SERPINE3: variants seen among roughly 807,000 people sequenced by gnomAD.
SERPINE3 encodes serpin family E member 3, also known as serpin E3.
In SERPINE3, 43 loss-of-function variants were observed where a neutral mutation model predicts 41.7. The ratio of observed to expected loss-of-function variants is 1.03; its 90% CI spans 0.81 to 1.33. The LOEUF (loss-of-function observed/expected upper bound fraction) is 1.33, where lower values mean the gene tolerates loss of function less well. Ranked by LOEUF, SERPINE3 falls within the 40% of genes most tolerant of loss-of-function variation. SERPINE3 has a pLI of 0.00. For synonymous variants in SERPINE3, 200 were observed against 192.2 expected (o/e 1.04, Z -0.34); for missense variants, 440 against 491.7 (o/e 0.89, Z 0.99).
At chr13:51,351,301 G>T (rs908743100) in intron 6 of SERPINE3, among the ~76,000 whole-genome samples, 1 of 152,066 alleles carries the variant, frequency 6.6e-6, no homozygotes. Flanking sequence ...CCACATCCTT[G>T]TCAACACTTG....
Position 51,345,593 on chromosome 13 carries a change from A to AC in SERPINE3, c.490+1108_490+1109insC, listed in dbSNP as rs1491189543. On this transcript the variant is annotated intron_variant, in intron 4 of 9. Transcript: ENST00000681248. ...TTGGGCAACAGTGAGATTTCATCTCAAAAAAAAAAAAAAAAAAAAAAAAGC... is the reference window on the plus strand; with the variant it reads ...TTGGGCAACAGTGAGATTTCATCTCACAAAAAAAAAAAAAAAAAAAAAAAGC... Among the ~76,000 whole-genome samples, 5 of 95,882 alleles carry AC rather than the reference A, an allele frequency of 5.2e-5. No individual in the cohort carries two copies. The East Asian group carries it at 1.7e-3, about 32-fold the overall frequency. 62.9% of individuals were successfully genotyped at this position (95,882 alleles called of 152,430 possible).
chr13:51,351,661 T>C (rs1301684691), intron 6 of SERPINE3, among the ~76,000 whole-genome samples: 1 of 152,164 alleles, frequency 6.6e-6, no homozygotes, highest in Non-Finnish European at 1.5e-5. Flanking sequence ...CTATGTTTTC[T>C]TTTGTTTCTT....
chr13:51,347,955 G>A lies in SERPINE3; in HGVS notation c.701-258G>A, dbSNP rs761155284. 5.1e-5 allele frequency among the ~76,000 whole-genome samples: 7 copies of A among 137,066 alleles called. No homozygotes were observed. In the East Asian group the frequency reaches 1.1e-3, roughly 21 times the overall value. The allele number at this position is 137,066 out of a possible 152,430, so 89.9% of individuals were successfully genotyped here. The stretch of plus-strand genomic sequence containing the variant: ...TCTATGTGGTTCTGCATGTGCCATC[G>A]TCCCCCCCCCCATACCCAGTCCTAG... On this transcript the variant is annotated intron_variant, in intron 5 of 9. Transcript: ENST00000681248.
chr13:51,345,645 G>A lies in SERPINE3; in HGVS notation c.490+1160G>A, dbSNP rs1955339430. On this transcript the variant is annotated intron_variant, in intron 4 of 9. Coordinates refer to ENST00000681248, the MANE Select transcript of SERPINE3 (RefSeq NM_001386375.1). ...GAATAGGAAGTGATATGTATACTAC[G>A]ACTGAATGGAAAACAGTAAGTGTGT... Among the ~76,000 whole-genome samples, 3 of 147,878 alleles carry A rather than the reference G, an allele frequency of 2.0e-5. No homozygotes were observed. The South Asian group carries it at 6.6e-4, about 32-fold the overall frequency.
chr13:51,349,935 T>A (rs1408312607), intron 6 of SERPINE3, among the ~76,000 whole-genome samples: 1 of 152,218 alleles, frequency 6.6e-6, no homozygotes, highest in East Asian at 1.9e-4. Flanking sequence ...TGTTTGTTTT[T>A]AAGCTAGCTT....
chr13:51,348,102 G>T, intron 5 of SERPINE3, 111 bp from the exon 6 acceptor site: 2 of 773,056 alleles, frequency 2.6e-6, no homozygotes, highest in Middle Eastern at 3.3e-4. Flanking sequence ...TGAGGTGGAT[G>T]CTCGGTTTTA....
At position 51,347,046 on chromosome 13, in the gene SERPINE3, C is replaced by T. The variant is rs1276630502; in HGVS notation, c.512C>T (p.Pro171Leu). 1 of 1,588,332 alleles carries T rather than the reference C, an allele frequency of 6.3e-7. No individual in the cohort carries two copies. The change falls in exon 5 of 10, where the codon CCT becomes CTT. Residue 171 changes from proline (P) to leucine (L), a missense_variant. Physicochemically the swap from Pro to Leu is moderately conservative, Grantham distance 98. Coordinates refer to ENST00000681248, the MANE Select transcript of SERPINE3 (RefSeq NM_001386375.1). ...GCAGGTGGGGGCCCCAGTGAGGGCC[C>T]TGGTGGCTGGCCGTGGGAGCAAGTC... ...ETAGGGPSEG[P>L]GGWPWEQVSA... is the part of the protein sequence containing the mutation.
intron 3 of SERPINE3, 125 bp downstream of exon 3, chr13:51,341,472 C>T: frequency 1.0e-6 from 1 of 955,524 alleles, no homozygotes; most frequent in South Asian, 1.6e-5. Flanking sequence ...CATACTCACA[C>T]TCACTCTCTC....
chr13:51,346,881 G>T lies in SERPINE3; in HGVS notation c.491-144G>T, dbSNP rs76377416. The T allele has an allele frequency of 1.7e-3, 1,086 of 626,920 alleles. 3 individuals carry two copies. The highest frequency in any genetic ancestry group is 0.016 in the African/African-American group (887 of 54,558). 38.8% of individuals were successfully genotyped at this position (626,920 alleles called of 1,614,324 possible). ...TTCTTAAGTAGACTAAAAAGATATT[G>T]TAAGATGAAGAGAGAGACCACCTTA... is the stretch of plus-strand genomic sequence containing the variant. On this transcript the variant is annotated intron_variant, in intron 4 of 9. Transcript: ENST00000681248.
At chr13:51,360,319 T>C (rs1369282859) in intron 7 of SERPINE3, among the ~76,000 whole-genome samples, 2 of 151,826 alleles carry the variant, frequency 1.3e-5, no homozygotes, top group Non-Finnish European at 2.9e-5. Flanking sequence ...AGTGTTTGAA[T>C]GGAGGAGAGG....
intron 7 of SERPINE3, 58 bp downstream of exon 7, chr13:51,355,201 A>T: frequency 1.2e-6 from 1 of 813,122 alleles, no homozygotes; most frequent in Non-Finnish European, 2.0e-6. Flanking sequence ...GTTTTATCAT[A>T]CTTTGATTAA....
Position 51,347,112 on chromosome 13 carries a change from C to T in SERPINE3, c.578C>T (p.Ser193Phe). 1 of 1,612,392 alleles carries T rather than the reference C, an allele frequency of 6.2e-7. No homozygotes were observed. The highest frequency in any genetic ancestry group is 8.5e-7 in the Non-Finnish European group (1 of 1,179,282). ...FAQLVLVSTM[S>F]FQGTWRKRFS... Reference sequence around the variant, plus strand: ...CAGCTTGTGCTTGTGAGCACCATGTCCTTCCAAGGCACTTGGCGAAAGAGA... The same window carrying T: ...CAGCTTGTGCTTGTGAGCACCATGTTCTTCCAAGGCACTTGGCGAAAGAGA... The change falls in exon 5 of 10, where the codon TCC becomes TTC. Residue 193 changes from serine to phenylalanine, a missense_variant. By Grantham distance (155) the Ser-to-Phe change is radical (BLOSUM62 -2). Coordinates refer to ENST00000681248, the MANE Select transcript of SERPINE3 (RefSeq NM_001386375.1).
intron 4 of SERPINE3, 41 bp from the exon 5 acceptor site, chr13:51,346,984 T>C (rs748941619): frequency 1.7e-4 from 254 of 1,454,706 alleles, no homozygotes; most frequent in Non-Finnish European, 2.3e-4. Context: ...TCAGTTTCAA[T>C]GCACATTTAA....
intron 6 of SERPINE3, among the ~76,000 whole-genome samples, chr13:51,351,831 G>T (rs971581258): frequency 6.6e-6 from 1 of 151,848 alleles, no homozygotes; most frequent in African/African-American, 2.4e-5. Context: ...TATGAGGTAG[G>T]GATTCAACTT....
At chr13:51,357,882 T>C (rs530405260) in intron 7 of SERPINE3, among the ~76,000 whole-genome samples, 12 of 152,222 alleles carry the variant, frequency 7.9e-5, no homozygotes, top group Admixed American at 7.2e-4. Context: ...TTCTTGGCTT[T>C]TATAAGTAGG....
chr13:51,349,990 G>A (rs1955389142), intron 6 of SERPINE3, among the ~76,000 whole-genome samples: 1 of 152,088 alleles, frequency 6.6e-6, no homozygotes, highest in Admixed American at 6.6e-5. Context: ...AACTCTCTTA[G>A]GTCTAGATTT....
At position 51,347,046 on chromosome 13, in the gene SERPINE3, C is replaced by G; in HGVS notation, c.512C>G (p.Pro171Arg). The change falls in exon 5 of 10, where the codon CCT (proline) becomes CGT (arginine). Residue 171 changes from proline to arginine, a missense_variant. Transcript: ENST00000681248. ...ETAGGGPSEGPGGWPWEQVSA... is the reference protein window; with the variant it reads ...ETAGGGPSEGRGGWPWEQVSA... ...GCAGGTGGGGGCCCCAGTGAGGGCCCTGGTGGCTGGCCGTGGGAGCAAGTC... is the reference window on the plus strand; with the variant it reads ...GCAGGTGGGGGCCCCAGTGAGGGCCGTGGTGGCTGGCCGTGGGAGCAAGTC... 6.3e-7 allele frequency: 1 copy of G among 1,588,332 alleles called. No individual in the cohort carries two copies. Among genetic ancestry groups the G allele is most frequent in the South Asian group, 1.1e-5 (1 of 87,116 alleles).
intron 9 of SERPINE3, chr13:51,363,618 G>C (rs1402722201): frequency 6.6e-6 from 1 of 151,894 alleles, no homozygotes; most frequent in Non-Finnish European, 1.5e-5. Flanking sequence ...TCCCCTAGAT[G>C]TATTTCCCTT....
chr13:51,345,349 G>T (rs1378302603), intron 4 of SERPINE3, among the ~76,000 whole-genome samples: 1 of 152,078 alleles, frequency 6.6e-6, no homozygotes, highest in African/African-American at 2.4e-5. Flanking sequence ...AGCAAAATAG[G>T]ATTGGGATGC....
Sources: gnomAD v4.1 joint callset for allele counts (sites outside exome capture counted in the v4.1 genomes callset) on GRCh38, gnomAD v4.1.1 for gene constraint, MANE v1.5 for transcripts, NCBI Gene and HGNC (gene_info 2026-07-23, HGNC 2026-07-21) for gene names.